The following OSBPL10 variants were observed in gnomAD, a reference collection of about 807,000 sequenced individuals.
OSBPL10 encodes oxysterol binding protein like 10, also known as oxysterol-binding protein-related protein 10.
OSBPL10 carries 49 observed loss-of-function variants against 81.7 expected under a neutral mutation model. The ratio of observed to expected loss-of-function variants is 0.60; its 90% CI spans 0.48 to 0.76. The LOEUF (loss-of-function observed/expected upper bound fraction) is 0.76, where lower values mean the gene tolerates loss of function less well. Among genes scored for constraint, OSBPL10 ranks in the 30% least tolerant of loss-of-function variants. The pLI is 0.00. For missense variants in OSBPL10, 923 were observed against 987.8 expected (o/e 0.93, Z 0.88); for synonymous variants, 419 against 383.6 (o/e 1.09, Z -1.08).
At chr3:31,740,858 T>TATATATATATATATAC (rs1479477237) in intron 5 of OSBPL10, among the ~76,000 whole-genome samples, 2 of 47,008 alleles carry the variant, frequency 4.3e-5, no homozygotes, top group African/African-American at 2.0e-4. Context: ...TACTAGAATT[T>TATATATATATATATAC]ATATATATAT....
At chr3:31,978,909 T>G (rs1210372202) in intron 1 of OSBPL10, among the ~76,000 whole-genome samples, 3 of 152,208 alleles carry the variant, frequency 2.0e-5, no homozygotes, top group African/African-American at 7.2e-5. Context: ...AAAAGAATGT[T>G]ACTCCAATGC....
chr3:31,907,025 G>A (rs1696427404), intron 1 of OSBPL10: 1 of 152,172 alleles, frequency 6.6e-6, no homozygotes, highest in African/African-American at 2.4e-5. Flanking sequence ...AATTATTGAT[G>A]TCATAATTTA....
intron 1 of OSBPL10, among the ~76,000 whole-genome samples, chr3:32,074,727 C>A (rs1233515793): frequency 6.6e-6 from 1 of 152,204 alleles, no homozygotes; most frequent in Non-Finnish European, 1.5e-5. Flanking sequence ...TCCCTCTATG[C>A]AGTTGCACCA....
intron 7 of OSBPL10, among the ~76,000 whole-genome samples, chr3:31,688,228 G>A (rs1184238759): frequency 2.7e-5 from 4 of 148,168 alleles, no homozygotes; most frequent in South Asian, 2.1e-4. Context: ...GGTCTCACAC[G>A]ATGTCCTGAC....
intron 3 of OSBPL10, among the ~76,000 whole-genome samples, chr3:31,847,463 A>G (rs948846540): frequency 2.4e-4 from 37 of 152,248 alleles, no homozygotes; most frequent in South Asian, 1.5e-3. Context: ...TGCTGGGATT[A>G]CAGGTGTGAG....
At chr3:31,844,147 G>T (rs984233900) in intron 3 of OSBPL10, among the ~76,000 whole-genome samples, 1 of 152,200 alleles carries the variant, frequency 6.6e-6, no homozygotes, top group African/African-American at 2.4e-5. Context: ...GGCAAAAGGG[G>T]ACCCATGTAT....
chr3:31,724,478 C>T (rs758000436), intron 6 of OSBPL10, among the ~76,000 whole-genome samples: 92 of 152,288 alleles, frequency 6.0e-4, no homozygotes, highest in Non-Finnish European at 1.1e-3. Flanking sequence ...AGCCCCAGCA[C>T]ATATCCTACT....
intron 2 of OSBPL10, among the ~76,000 whole-genome samples, chr3:32,002,978 T>C (rs1371441651): frequency 6.6e-6 from 1 of 152,108 alleles, no homozygotes; most frequent in East Asian, 1.9e-4. Context: ...AATTTAGACT[T>C]CATTTAGGTC....
At chr3:31,664,260 A>G in intron 10 of OSBPL10, 28 bp from the exon 11 acceptor site, 1 of 1,608,186 alleles carries the variant, frequency 6.2e-7, no homozygotes, top group Non-Finnish European at 8.5e-7. Flanking sequence ...AGAGGAAACA[A>G]TCAGCCAGGC....
At chr3:32,070,464 T>A (rs962647502) in intron 1 of OSBPL10, among the ~76,000 whole-genome samples, 10 of 152,120 alleles carry the variant, frequency 6.6e-5, no homozygotes, top group Admixed American at 6.5e-4. Flanking sequence ...CTCCTTCGTG[T>A]CTTCCTCTCA....
At chr3:31,716,028 G>A (rs1696421696) in intron 6 of OSBPL10, among the ~76,000 whole-genome samples, 1 of 152,154 alleles carries the variant, frequency 6.6e-6, no homozygotes, top group Non-Finnish European at 1.5e-5. Flanking sequence ...CTGTGGGAAT[G>A]CAGAGTGGCA....
At chr3:31,925,850 CAAG>C (rs1441603929) in intron 1 of OSBPL10, among the ~76,000 whole-genome samples, 2 of 152,190 alleles carry the variant, frequency 1.3e-5, no homozygotes, top group East Asian at 3.9e-4. Flanking sequence ...TATGCCGGGA[CAAG>C]AAGAATATCC....
intron 4 of OSBPL10, among the ~76,000 whole-genome samples, chr3:31,807,457 A>T (rs1426250575): frequency 6.6e-6 from 1 of 151,640 alleles, no homozygotes; most frequent in Non-Finnish European, 1.5e-5. Context: ...CAAGGGCACA[A>T]GTAGAGACTG....
intron 6 of OSBPL10, among the ~76,000 whole-genome samples, chr3:31,727,440 C>T (rs1406851016): frequency 1.3e-5 from 2 of 151,956 alleles, no homozygotes; most frequent in African/African-American, 4.8e-5. Flanking sequence ...GAGATGTAGT[C>T]TGTTTGATGA....
At chr3:31,736,086 T>C (rs1299048218) in intron 5 of OSBPL10, among the ~76,000 whole-genome samples, 1 of 151,210 alleles carries the variant, frequency 6.6e-6, no homozygotes, top group East Asian at 1.9e-4. Flanking sequence ...AGACATAGAA[T>C]AGAATGGTGG....
chr3:31,945,555 T>G (rs1034835433), intron 1 of OSBPL10, among the ~76,000 whole-genome samples: 2 of 152,164 alleles, frequency 1.3e-5, no homozygotes, highest in Non-Finnish European at 2.9e-5. Context: ...AATCTACATC[T>G]CTAGTTTCTC....
chr3:31,852,474 A>G (rs1700794374), intron 3 of OSBPL10, among the ~76,000 whole-genome samples: 1 of 152,210 alleles, frequency 6.6e-6, no homozygotes, highest in African/African-American at 2.4e-5. Context: ...AAAGAAACCT[A>G]TGAACGACAG....
intron 4 of OSBPL10, among the ~76,000 whole-genome samples, chr3:31,778,235 T>C (rs1698596918): frequency 6.6e-6 from 1 of 152,160 alleles, no homozygotes; most frequent in Non-Finnish European, 1.5e-5. Flanking sequence ...GTGAAGCCTA[T>C]TGCTACCAGC....
chr3:31,944,258 A>G (rs559674061), intron 1 of OSBPL10, among the ~76,000 whole-genome samples: 27 of 152,240 alleles, frequency 1.8e-4, no homozygotes, highest in South Asian at 4.1e-4. Flanking sequence ...TCTTCCATAA[A>G]AGTCATACCA....
Sources: allele counts gnomAD v4.1 joint callset (sites outside exome capture counted in the v4.1 genomes callset), GRCh38; gene constraint gnomAD v4.1.1; transcripts MANE v1.5; gene names NCBI Gene and HGNC (gene_info 2026-07-23, HGNC 2026-07-21).